SPOCK1: variants seen among roughly 807,000 people sequenced by gnomAD.
The protein encoded by SPOCK1 is testican-1.
Under a neutral mutation model 55.3 loss-of-function variants are expected in SPOCK1, and 23 were observed. The ratio of observed to expected loss-of-function variants is 0.42; its 90% CI spans 0.30 to 0.59. The LOEUF is 0.59. Among genes scored for constraint, SPOCK1 ranks in the 20% least tolerant of loss-of-function variants. The pLI is 0.22. For missense variants in SPOCK1, 499 were observed against 552.5 expected (o/e 0.90, Z 0.97); for synonymous variants, 226 against 221.0 (o/e 1.02, Z -0.20).
intron 3 of SPOCK1, among the ~76,000 whole-genome samples, chr5:137,141,959 C>G (rs982034665): frequency 2.6e-5 from 4 of 152,190 alleles, no homozygotes; most frequent in African/African-American, 9.7e-5. Context: ...AATCAGCGCT[C>G]TGCGTGCTGA....
At chr5:137,435,610 T>C (rs1752847473) in intron 2 of SPOCK1, among the ~76,000 whole-genome samples, 1 of 152,218 alleles carries the variant, frequency 6.6e-6, no homozygotes, top group Non-Finnish European at 1.5e-5. Flanking sequence ...AGCCATCCTA[T>C]AAAATGTATT....
chr5:137,426,213 C>G (rs914133534), intron 2 of SPOCK1, among the ~76,000 whole-genome samples: 14 of 152,196 alleles, frequency 9.2e-5, no homozygotes, highest in Non-Finnish European at 1.6e-4. Flanking sequence ...TTAGTGTTAG[C>G]TGCCTATCAT....
intron 3 of SPOCK1, among the ~76,000 whole-genome samples, chr5:137,163,246 G>A (rs1754591577): frequency 1.3e-5 from 2 of 152,184 alleles, no homozygotes; most frequent in African/African-American, 4.8e-5. Flanking sequence ...AAATATAGCA[G>A]TAAATGGAAA....
At chr5:137,182,317 C>T (rs1754984831) in intron 3 of SPOCK1, among the ~76,000 whole-genome samples, 1 of 152,182 alleles carries the variant, frequency 6.6e-6, no homozygotes, top group Non-Finnish European at 1.5e-5. Context: ...TCCTGCAGTG[C>T]CCTCCATCTG....
intron 5 of SPOCK1, among the ~76,000 whole-genome samples, chr5:137,097,416 G>A (rs1424715202): frequency 1.3e-5 from 2 of 152,174 alleles, no homozygotes; most frequent in African/African-American, 4.8e-5. Context: ...GTGAGCCGTG[G>A]CTTAGAAATT....
intron 2 of SPOCK1, among the ~76,000 whole-genome samples, chr5:137,419,631 T>A (rs1752439148): frequency 1.3e-5 from 2 of 152,232 alleles, no homozygotes; most frequent in African/African-American, 4.8e-5. Context: ...AGAATGCTTG[T>A]GATTTTTGCA....
chr5:137,449,886 C>CAAAAAAAAAAAA (rs562723108), intron 2 of SPOCK1, among the ~76,000 whole-genome samples: 3 of 52,912 alleles, frequency 5.7e-5, no homozygotes, highest in Non-Finnish European at 6.4e-5. Flanking sequence ...GATGCTGTCT[C>CAAAAAAAAAAAA]AAAAAAAAAA....
At chr5:137,407,222 C>T (rs1752118295) in intron 2 of SPOCK1, among the ~76,000 whole-genome samples, 1 of 152,218 alleles carries the variant, frequency 6.6e-6, no homozygotes, top group Non-Finnish European at 1.5e-5. Context: ...TAAACCACTG[C>T]TGTCCGAGGA....
Position 137,478,488 on chromosome 5 carries a change from T to C in SPOCK1, c.186+19885A>G, listed in dbSNP as rs1919518. Reference sequence around the variant, plus strand: ...AGACATTCAGATTTGAAATAATCACTGGTTTTACTTTAAATGCAACATAAA... The same window carrying C: ...AGACATTCAGATTTGAAATAATCACCGGTTTTACTTTAAATGCAACATAAA... On this transcript the variant is annotated intron_variant, in intron 2 of 10. Coordinates refer to ENST00000394945, the MANE Select transcript of SPOCK1 (RefSeq NM_004598.4). Among the ~76,000 whole-genome samples, 376 of 152,316 alleles carry C rather than the reference T, an allele frequency of 2.5e-3. 2 individuals are homozygous for C. Among genetic ancestry groups the C allele is most frequent in the Non-Finnish European group, 4.3e-3 (294 of 68,024 alleles).
chr5:137,341,740 A>G (rs920117590), intron 2 of SPOCK1, among the ~76,000 whole-genome samples: 1 of 152,208 alleles, frequency 6.6e-6, no homozygotes. Flanking sequence ...ACTTCCCAGC[A>G]TCCCCTGCCA....
At chr5:137,347,325 G>T (rs1750580106) in intron 2 of SPOCK1, among the ~76,000 whole-genome samples, 1 of 152,154 alleles carries the variant, frequency 6.6e-6, no homozygotes, top group Non-Finnish European at 1.5e-5. Flanking sequence ...CTCTAACAGG[G>T]TGTAATTTCT....
chr5:137,368,992 C>A (rs1170007008), intron 2 of SPOCK1, among the ~76,000 whole-genome samples: 1 of 152,254 alleles, frequency 6.6e-6, no homozygotes, highest in Non-Finnish European at 1.5e-5. Context: ...GTACAACAGA[C>A]TCATACTTGC....
chr5:137,027,049 T>C (rs1169532990), intron 6 of SPOCK1, among the ~76,000 whole-genome samples: 3 of 152,296 alleles, frequency 2.0e-5, no homozygotes, highest in East Asian at 1.9e-4. Flanking sequence ...TATGATTGTT[T>C]TATTTTCTGA....
At chr5:137,099,251 A>T (rs1753213906) in intron 5 of SPOCK1, among the ~76,000 whole-genome samples, 2 of 152,202 alleles carry the variant, frequency 1.3e-5, no homozygotes. Context: ...AACGTGGGTG[A>T]CTGGAAGAAT....
intron 4 of SPOCK1, 80 bp from the exon 5 acceptor site, chr5:137,112,641 G>A: frequency 1.3e-6 from 2 of 1,529,090 alleles, no homozygotes; most frequent in Non-Finnish European, 1.8e-6. Context: ...CAGAATAAAA[G>A]GCCAAATAAA....
intron 4 of SPOCK1, among the ~76,000 whole-genome samples, chr5:137,122,240 T>TAC (rs772246376): frequency 0.38 from 50,411 of 132,700 alleles, 8,682 homozygotes; most frequent in Non-Finnish European, 0.41. Flanking sequence ...AAAGCAGTTA[T>TAC]ACACACACAC....
chr5:137,235,876 G>C (rs980074639), intron 3 of SPOCK1, among the ~76,000 whole-genome samples: 1 of 152,198 alleles, frequency 6.6e-6, no homozygotes, highest in Non-Finnish European at 1.5e-5. Flanking sequence ...TCTGTGGGGG[G>C]TGTATACATG....
At chr5:137,275,405 C>T (rs1757045910) in intron 2 of SPOCK1, among the ~76,000 whole-genome samples, 1 of 152,184 alleles carries the variant, frequency 6.6e-6, no homozygotes, top group Non-Finnish European at 1.5e-5. Flanking sequence ...TCTCACCAAA[C>T]ACAGGGATTG....
chr5:137,456,201 T>C (rs936713746), intron 2 of SPOCK1, among the ~76,000 whole-genome samples: 1 of 152,156 alleles, frequency 6.6e-6, no homozygotes, highest in Admixed American at 6.5e-5. Context: ...CTGTCCACAG[T>C]GTTTAATTAT....
Sources: gnomAD v4.1 joint callset for allele counts (sites outside exome capture counted in the v4.1 genomes callset) on GRCh38, gnomAD v4.1.1 for gene constraint, MANE v1.5 for transcripts, NCBI Gene and HGNC (gene_info 2026-07-23, HGNC 2026-07-21) for gene names.